Variants in SLF2 observed in about 807,000 individuals in gnomAD.
SLF2 encodes the protein SMC5-SMC6 complex localization factor protein 2.
SLF2 carries 68 observed loss-of-function variants against 124.3 expected under a neutral mutation model. That is an observed-to-expected ratio of 0.55 (90% confidence interval 0.45 to 0.67). The LOEUF (loss-of-function observed/expected upper bound fraction) is 0.67. Ranked by LOEUF, SLF2 falls within the 30% of genes least tolerant of loss-of-function variation. SLF2 has a pLI of 0.00. For synonymous variants in SLF2, 480 were observed against 478.8 expected, an observed-to-expected ratio of 1.00 and a Z score of -0.03; for missense variants, 1,246 against 1,373.7, an observed-to-expected ratio of 0.91 and a Z score of 1.47.
At chr10:100,950,824 CT>C in intron 17 of SLF2, 71 bp downstream of exon 17, 2 of 1,212,178 alleles carry the variant, frequency 1.6e-6, no homozygotes, top group Non-Finnish European at 2.4e-6. Context: ...AGTGAGCATG[CT>C]TTATATAGGA....
At chr10:100,927,812 C>T (rs1033781591) in intron 6 of SLF2, among the ~76,000 whole-genome samples, 1 of 151,924 alleles carries the variant, frequency 6.6e-6, no homozygotes, top group African/African-American at 2.4e-5. Context: ...GTGGTATCTC[C>T]TTATTGTTTG....
At chr10:100,939,087 G>C (rs1297268850) in intron 11 of SLF2, among the ~76,000 whole-genome samples, 3 of 152,204 alleles carry the variant, frequency 2.0e-5, no homozygotes, top group African/African-American at 7.2e-5. Flanking sequence ...TTGTAGATGT[G>C]AGTTAATCTA....
intron 13 of SLF2, among the ~76,000 whole-genome samples, chr10:100,946,325 C>CT (rs34242980): frequency 0.12 from 14,598 of 124,924 alleles, 949 homozygotes; most frequent in African/African-American, 0.14. Flanking sequence ...GGGTGTTAGG[C>CT]TTTTTTTTTT....
At chr10:100,957,517 AT>A (rs753366819) in intron 18 of SLF2, among the ~76,000 whole-genome samples, 535 of 140,372 alleles carry the variant, frequency 3.8e-3, no homozygotes, top group Middle Eastern at 7.4e-3. Flanking sequence ...TGCCCGGCAA[AT>A]TTTTTTTTTT....
intron 6 of SLF2, chr10:100,926,552 G>T: frequency 4.4e-6 from 1 of 229,636 alleles, no homozygotes; most frequent in African/African-American, 2.3e-5. Context: ...GCTGTAGTGA[G>T]CTGTGATTGA....
At chr10:100,932,720 TGC>T (rs1554878718) in intron 9 of SLF2, among the ~76,000 whole-genome samples, 64 of 36,252 alleles carry the variant, frequency 1.8e-3, no homozygotes, top group South Asian at 3.4e-3. Flanking sequence ...TGTGTGTGTG[TGC>T]GCGCGCGCGC....
chr10:100,924,414 A>C lies in SLF2; in HGVS notation c.1413A>C (p.Thr471=), dbSNP rs1311778951. 6.2e-7 allele frequency: 1 copy of C among 1,614,194 alleles called. No individual in the cohort carries two copies. Among genetic ancestry groups the C allele is most frequent in the Admixed American group, 1.7e-5 (1 of 60,024 alleles). Residue 471 remains threonine (T), a synonymous_variant, in exon 5 of 20, where the codon ACA becomes ACC. Coordinates refer to ENST00000238961, the MANE Select transcript of SLF2 (RefSeq NM_018121.4). ...TASSTTKEKE[T]KLPLLSRVPS... ...GCTCCACGACAAAGGAGAAGGAGAC[A>C]AAACTACCTTTACTTTCCCGTGTTC...
At chr10:100,913,310 G>A (rs1193106912) in intron 1 of SLF2, 60 bp downstream of exon 1, 3 of 1,393,828 alleles carry the variant, frequency 2.2e-6, no homozygotes, top group Non-Finnish European at 2.8e-6. Flanking sequence ...TGAGGGGAGG[G>A]CTGCAGACCG....
At chr10:100,944,785 G>C (rs1850067697) in intron 12 of SLF2, among the ~76,000 whole-genome samples, 4 of 152,196 alleles carry the variant, frequency 2.6e-5, no homozygotes. Flanking sequence ...AGCACTTTGG[G>C]AGGCCAAGAC....
intron 6 of SLF2, chr10:100,926,473 A>G: frequency 2.0e-6 from 1 of 487,864 alleles, no homozygotes; most frequent in Non-Finnish European, 3.5e-6. Flanking sequence ...TCATGGTGCC[A>G]CATACCTATG....
chr10:100,923,228 A>C (rs753516697), intron 4 of SLF2, among the ~76,000 whole-genome samples: 2 of 152,182 alleles, frequency 1.3e-5, no homozygotes, highest in South Asian at 4.1e-4. Context: ...AACAGGAATT[A>C]TTGTTTCACA....
chr10:100,928,063 ACACACG>A lies in SLF2; in HGVS notation c.2043-1253_2043-1248del, dbSNP rs1271756189. Among the ~76,000 whole-genome samples the A allele has an allele frequency of 2.7e-3, 200 of 72,912 alleles. 2 individuals carry two copies. Among genetic ancestry groups the A allele is most frequent in the African/African-American group, 8.4e-3 (173 of 20,700 alleles). 47.8% of individuals were successfully genotyped at this position (72,912 alleles called of 152,430 possible). A position where few individuals can be genotyped will look rare whatever the true frequency, so the allele number is the denominator to read the frequency against. On this transcript the variant is annotated intron_variant, in intron 6 of 19. Coordinates refer to ENST00000238961, the MANE Select transcript of SLF2 (RefSeq NM_018121.4). ...CCCCCCCCCACACACACACACACAC[ACACACG>A]AGAGAGAGACAGAGAGAGAGAGAGA...
At chr10:100,956,060 C>G (rs958719978) in intron 17 of SLF2, among the ~76,000 whole-genome samples, 1 of 151,902 alleles carries the variant, frequency 6.6e-6, no homozygotes, top group Non-Finnish European at 1.5e-5. Flanking sequence ...AGAGCCAGAC[C>G]CCATTTCTTT....
At position 100,959,511 on chromosome 10, in the gene SLF2, T is replaced by G; in HGVS notation, c.3486+15T>G. The G allele has an allele frequency of 1.2e-6, 2 of 1,613,080 alleles. No homozygotes were observed. The highest frequency in any genetic ancestry group is 3.3e-4 in the Middle Eastern group (2 of 6,012). On this transcript the variant is annotated intron_variant, in intron 19 of 19. Coordinates refer to ENST00000238961, the MANE Select transcript of SLF2 (RefSeq NM_018121.4). ...GGCCTACTCAGGTGTCATTTTGTTA[T>G]ACAATTTCATGTATTCTTAATAGTT...
chr10:100,947,216 T>TC, intron 14 of SLF2, 80 bp downstream of exon 14: 1 of 814,022 alleles, frequency 1.2e-6, no homozygotes, highest in Non-Finnish European at 1.9e-6. Context: ...TTATTTCCAT[T>TC]CATCATTCTT....
At chr10:100,938,761 G>T (rs367747694) in intron 11 of SLF2, 25 bp downstream of exon 11, 20 of 1,564,398 alleles carry the variant, frequency 1.3e-5, no homozygotes, top group Admixed American at 2.0e-5. Flanking sequence ...CATAATTAAC[G>T]CCAAAAATAT....
intron 16 of SLF2, 144 bp downstream of exon 16, chr10:100,950,351 T>A (rs1850186774): frequency 1.0e-6 from 1 of 991,900 alleles, no homozygotes; most frequent in Non-Finnish European, 1.4e-6. Context: ...ATAATATTTT[T>A]AATTTATCAC....
chr10:100,937,462 AT>A lies in SLF2; in HGVS notation c.2498del (p.Ile833LysfsTer23). 1 of 1,595,046 alleles carries A rather than the reference AT, an allele frequency of 6.3e-7. No homozygotes were observed. The highest frequency in any genetic ancestry group is 1.1e-5 in the South Asian group (1 of 90,696). On this transcript the variant is annotated frameshift_variant, in exon 10 of 20. Transcript: ENST00000238961. LOFTEE classifies it high-confidence loss of function. ...GCAGATTTTAAGTACATTGATGGAA[AT>A]AACAATTAGAAATGGTAAGTATATC... ...SVQILSTLME[I>X]TIRNDTFSDS...
intron 3 of SLF2, among the ~76,000 whole-genome samples, chr10:100,917,572 AAGTAT>A (rs1488470569): frequency 6.6e-6 from 1 of 151,890 alleles, no homozygotes; most frequent in Non-Finnish European, 1.5e-5. Context: ...TTTTTAAGGC[AAGTAT>A]AGTCTTACTT....
Sources: allele counts gnomAD v4.1 joint callset (sites outside exome capture counted in the v4.1 genomes callset), GRCh38; gene constraint gnomAD v4.1.1; transcripts MANE v1.5; gene names NCBI Gene and HGNC (gene_info 2026-07-23, HGNC 2026-07-21).